The following NLGN1 variants were observed in gnomAD, a reference collection of about 807,000 sequenced individuals.
The protein encoded by NLGN1 is neuroligin-1.
In NLGN1, 12 loss-of-function variants were observed where a neutral mutation model predicts 65.5. The observed-to-expected ratio is 0.18, with a 90% CI of 0.12 to 0.30. The LOEUF (loss-of-function observed/expected upper bound fraction) is 0.30, where lower values mean the gene tolerates loss of function less well. Ranked by LOEUF, NLGN1 falls within the 10% of genes least tolerant of loss-of-function variation. NLGN1 has a pLI of 1.00. For synonymous variants in NLGN1, 350 were observed against 359.5 expected (o/e 0.97, Z 0.30); for missense variants, 750 against 1,007.1 (o/e 0.74, Z 3.46).
In NLGN1 at chr3:173,485,772, C is replaced by T. The variant is rs1159223816; in HGVS notation, c.-321+50694C>T. On this transcript the variant is annotated intron_variant, in intron 2 of 6. Coordinates refer to ENST00000457714, the Ensembl canonical transcript of NLGN1. ...ATTTTTATATATTTACATAGAATCCCGTAATACTTTTTTGCAGATACTTTT... is the reference window on the plus strand; with the variant it reads ...ATTTTTATATATTTACATAGAATCCTGTAATACTTTTTTGCAGATACTTTT... Among the ~76,000 whole-genome samples the T allele has an allele frequency of 3.3e-5, 5 of 152,154 alleles. No individual in the cohort carries two copies. In the South Asian group the frequency reaches 6.2e-4, roughly 19 times the overall value.
intron 4 of NLGN1, among the ~76,000 whole-genome samples, chr3:174,133,282 C>T (rs189318082): frequency 1.0e-3 from 155 of 152,282 alleles, no homozygotes; most frequent in Non-Finnish European, 1.7e-3. Flanking sequence ...TAGAAGTCTC[C>T]AGATCCTAAC....
intron 3 of NLGN1, among the ~76,000 whole-genome samples, chr3:173,786,665 G>C (rs149018687): frequency 5.3e-4 from 81 of 152,158 alleles, no homozygotes; most frequent in African/African-American, 1.9e-3. Context: ...CTAATTATTT[G>C]TAACTAAAAC....
intron 2 of NLGN1, among the ~76,000 whole-genome samples, chr3:173,584,262 TGAG>T (rs1746899035): frequency 7.3e-6 from 1 of 136,966 alleles, no homozygotes; most frequent in African/African-American, 2.8e-5. Flanking sequence ...AAAAAAAAGG[TGAG>T]GAGAGGGGAT....
intron 4 of NLGN1, among the ~76,000 whole-genome samples, chr3:173,868,304 A>AT (rs907367669): frequency 1.3e-5 from 2 of 152,164 alleles, no homozygotes; most frequent in African/African-American, 4.8e-5. Context: ...AGGCAGTACT[A>AT]TTTTAATTGT....
chr3:174,127,879 A>G (rs1272940194), intron 4 of NLGN1, among the ~76,000 whole-genome samples: 1 of 152,192 alleles, frequency 6.6e-6, no homozygotes, highest in Non-Finnish European at 1.5e-5. Context: ...ATAAATTAGT[A>G]TAGTGAGCCT....
intron 3 of NLGN1, among the ~76,000 whole-genome samples, chr3:173,796,386 A>G (rs989205521): frequency 5.9e-5 from 9 of 152,196 alleles, no homozygotes; most frequent in Non-Finnish European, 1.2e-4. Context: ...CACGTCCTTT[A>G]CCAGAACCCA....
intron 2 of NLGN1, among the ~76,000 whole-genome samples, chr3:173,531,130 A>G (rs997018272): frequency 1.4e-4 from 22 of 152,120 alleles, no homozygotes; most frequent in African/African-American, 5.3e-4. Context: ...TTAAACTAAC[A>G]TGCACTCCAT....
At chr3:174,029,157 A>G (rs547525851) in intron 4 of NLGN1, among the ~76,000 whole-genome samples, 1 of 152,330 alleles carries the variant, frequency 6.6e-6, no homozygotes, top group East Asian at 1.9e-4. Context: ...CCTCAAAATG[A>G]TAGATCCAAT....
chr3:174,246,474 C>T (rs1019293713), intron 4 of NLGN1, among the ~76,000 whole-genome samples: 1 of 152,114 alleles, frequency 6.6e-6, no homozygotes, highest in Non-Finnish European at 1.5e-5. Context: ...GGCTGGAATG[C>T]GTGGCCTGAT....
chr3:173,938,794 C>A (rs528305911), intron 4 of NLGN1, among the ~76,000 whole-genome samples: 1 of 151,946 alleles, frequency 6.6e-6, no homozygotes. Flanking sequence ...TATGAAGTAC[C>A]GAGAAAAGGC....
chr3:174,018,397 G>T (rs949662167), intron 4 of NLGN1, among the ~76,000 whole-genome samples: 1 of 152,086 alleles, frequency 6.6e-6, no homozygotes, highest in Non-Finnish European at 1.5e-5. Flanking sequence ...TATTGATTGG[G>T]GAAGTGATAA....
chr3:173,877,020 G>T (rs113221678), intron 4 of NLGN1, among the ~76,000 whole-genome samples: 2 of 152,142 alleles, frequency 1.3e-5, no homozygotes, highest in African/African-American at 4.8e-5. Context: ...AATAAGAATA[G>T]GATATTTGCC....
chr3:174,265,982 G>A (rs1201901622), intron 4 of NLGN1, among the ~76,000 whole-genome samples: 1 of 146,702 alleles, frequency 6.8e-6, no homozygotes, highest in Non-Finnish European at 1.5e-5. Flanking sequence ...GTATATATAT[G>A]TATATATGTA....
At chr3:173,937,386 T>G (rs1453855480) in intron 4 of NLGN1, among the ~76,000 whole-genome samples, 2 of 152,030 alleles carry the variant, frequency 1.3e-5, no homozygotes, top group African/African-American at 4.8e-5. Context: ...AGAGAACAAA[T>G]TAATATACTT....
chr3:174,163,997 A>G (rs930250208), intron 4 of NLGN1, among the ~76,000 whole-genome samples: 3 of 152,046 alleles, frequency 2.0e-5, no homozygotes, highest in African/African-American at 7.2e-5. Flanking sequence ...TAAGTTCTTT[A>G]GAAATCTCCA....
intron 3 of NLGN1, among the ~76,000 whole-genome samples, chr3:173,652,649 C>T (rs1271159848): frequency 6.6e-6 from 1 of 152,130 alleles, no homozygotes; most frequent in Admixed American, 6.5e-5. Flanking sequence ...TTACTATAGT[C>T]TTGTAGTACA....
intron 2 of NLGN1, among the ~76,000 whole-genome samples, chr3:173,587,869 C>T (rs1050885163): frequency 6.7e-6 from 1 of 150,028 alleles, no homozygotes; most frequent in African/African-American, 2.5e-5. Context: ...GCCTAACATT[C>T]AGGAAAAGCT....
intron 4 of NLGN1, among the ~76,000 whole-genome samples, chr3:174,071,234 A>T (rs962189983): frequency 6.6e-6 from 1 of 152,184 alleles, no homozygotes; most frequent in Admixed American, 6.5e-5. Flanking sequence ...TATTTTTAAG[A>T]TGGCAGCATT....
At chr3:174,047,361 T>A (rs921574866) in intron 4 of NLGN1, among the ~76,000 whole-genome samples, 3 of 152,142 alleles carry the variant, frequency 2.0e-5, no homozygotes, top group African/African-American at 7.2e-5. Context: ...ATTTCAATTT[T>A]AGCCAAGGTC....
Sources: gnomAD v4.1 joint callset for allele counts (sites outside exome capture counted in the v4.1 genomes callset) on GRCh38, gnomAD v4.1.1 for gene constraint, MANE v1.5 for transcripts, NCBI Gene and HGNC (gene_info 2026-07-23, HGNC 2026-07-21) for gene names.